DNAH11: variants seen among roughly 807,000 people sequenced by gnomAD.
DNAH11 encodes axonemal beta dynein heavy chain 11.
DNAH11 carries 442 observed loss-of-function variants against 526.0 expected under a neutral mutation model. The ratio of observed to expected loss-of-function variants is 0.84; its 90% CI spans 0.78 to 0.91. DNAH11 has a LOEUF of 0.91. DNAH11 is among the 40% of genes least tolerant of loss of function. The pLI is 0.00. For synonymous variants in DNAH11, 2,461 were observed against 1,935.9 expected (o/e 1.27, Z -7.12); for missense variants, 6,989 against 5,448.7 (o/e 1.28, Z -8.90).
chr7:21,898,005 A>T (rs757122137), intron 79 of DNAH11, among the ~76,000 whole-genome samples: 7 of 151,832 alleles, frequency 4.6e-5, no homozygotes. Flanking sequence ...ACGCTGTTTC[A>T]CTTTTGCTTT....
rs1789911872 is a variant in DNAH11, at chr7:21,818,458, T to A, written c.10691+119T>A. On this transcript the variant is annotated intron_variant, in intron 65 of 81. Coordinates refer to ENST00000409508, the MANE Select transcript of DNAH11 (RefSeq NM_001277115.2). The stretch of plus-strand genomic sequence containing the variant: ...CTTAGTGATATTTCTGAGTTTCCAT[T>A]TCATGCACCTACACTCCAAGACCAA... 6.4e-6 allele frequency: 7 copies of A among 1,091,892 alleles called. No individual in the cohort carries two copies. In the Middle Eastern group the frequency reaches 1.1e-3, roughly 172 times the overall value. 67.6% of individuals were successfully genotyped at this position (1,091,892 alleles called of 1,614,324 possible). A position where few individuals can be genotyped will look rare whatever the true frequency, so the allele number is the denominator to read the frequency against.
intron 2 of DNAH11, among the ~76,000 whole-genome samples, chr7:21,554,532 C>T (rs1783146567): frequency 6.6e-6 from 1 of 152,052 alleles, no homozygotes; most frequent in Non-Finnish European, 1.5e-5. Flanking sequence ...GTTCAGCTGG[C>T]AAGACGTCTT....
Position 21,867,950 on chromosome 7 carries a change from C to A in DNAH11, c.11782C>A (p.Pro3928Thr), listed in dbSNP as rs200216795. The A allele has an allele frequency of 2.4e-5, 38 of 1,568,984 alleles. No homozygotes were observed. The highest frequency in any genetic ancestry group is 3.2e-5 in the Non-Finnish European group (37 of 1,155,922). ...KAFEESSPAT[P>T]IFFILSPGVD... is the part of the protein sequence containing the mutation. Reference sequence around the variant, plus strand: ...ATTCGAAGAAAGCAGCCCAGCCACCCCCATATTCTTCATCCTGTCTCCGGG... The same window carrying A: ...ATTCGAAGAAAGCAGCCCAGCCACCACCATATTCTTCATCCTGTCTCCGGG... Residue 3928 changes from proline (P) to threonine (T), a missense_variant, in exon 72 of 82, where the codon CCC (proline) becomes ACC (threonine). Physicochemically the swap from Pro to Thr is conservative, Grantham distance 38 (BLOSUM62 -1). Transcript: ENST00000409508.
At chr7:21,769,999 A>T (rs1787364187) in intron 55 of DNAH11, among the ~76,000 whole-genome samples, 1 of 152,142 alleles carries the variant, frequency 6.6e-6, no homozygotes, top group Non-Finnish European at 1.5e-5. Context: ...AAAATAATGC[A>T]CTCACCAGAC....
chr7:21,725,186 C>A (rs549867583), intron 44 of DNAH11, among the ~76,000 whole-genome samples: 3 of 152,310 alleles, frequency 2.0e-5, no homozygotes, highest in Admixed American at 6.5e-5. Context: ...ATGCAGTTTT[C>A]AGCTGGACCC....
chr7:21,689,655 C>G (rs1783527370), intron 34 of DNAH11, among the ~76,000 whole-genome samples: 1 of 152,254 alleles, frequency 6.6e-6, no homozygotes. Flanking sequence ...GCCTGACATT[C>G]TGGGAAATGA....
chr7:21,657,970 T>C (rs1782086329), intron 29 of DNAH11, among the ~76,000 whole-genome samples: 1 of 152,186 alleles, frequency 6.6e-6, no homozygotes, highest in African/African-American at 2.4e-5. Flanking sequence ...TCTCATGTGA[T>C]TCTTGGTATT....
At chr7:21,771,635 G>C (rs1331881981) in intron 55 of DNAH11, among the ~76,000 whole-genome samples, 1 of 152,070 alleles carries the variant, frequency 6.6e-6, no homozygotes, top group African/African-American at 2.4e-5. Context: ...ATAACCATTC[G>C]ATACTGGCAC....
intron 2 of DNAH11, among the ~76,000 whole-genome samples, chr7:21,552,649 C>T (rs201780732): frequency 0.062 from 9,499 of 152,166 alleles, 842 homozygotes; most frequent in East Asian, 0.35. Flanking sequence ...TCTCCAGGAC[C>T]TTTTCTAAGA....
chr7:21,591,221 A>G lies in DNAH11; in HGVS notation c.2311A>G (p.Asn771Asp), dbSNP rs1562684461. 1 of 1,572,706 alleles carries G rather than the reference A, an allele frequency of 6.4e-7. No homozygotes were observed. Among genetic ancestry groups the G allele is most frequent in the East Asian group, 2.2e-5 (1 of 44,524 alleles). The change falls in exon 14 of 82, where the codon AAT (asparagine) becomes GAT (aspartate). Residue 771 changes from asparagine (N) to aspartate (D), a missense_variant. Physicochemically the swap from Asn to Asp is conservative, Grantham distance 23. Transcript: ENST00000409508. ...TCTTGACCTTCTTGTGCAAGGGTATAATAAACTCAAACAGACGCTCCTGGA... is the reference window on the plus strand; with the variant it reads ...TCTTGACCTTCTTGTGCAAGGGTATGATAAACTCAAACAGACGCTCCTGGA... Reference protein sequence around the residue: ...GNLDLLVQGYNKLKQTLLEVE... With the variant: ...GNLDLLVQGYDKLKQTLLEVE...
chr7:21,854,121 C>T, intron 67 of DNAH11, among the ~76,000 whole-genome samples, 194 bp from the exon 68 acceptor site: 1 of 152,248 alleles, frequency 6.6e-6, no homozygotes, highest in African/African-American at 2.4e-5. Flanking sequence ...CTCACTGAAA[C>T]TCAGTTTATT....
At chr7:21,847,681 G>C (rs567653958) in intron 66 of DNAH11, among the ~76,000 whole-genome samples, 6 of 152,270 alleles carry the variant, frequency 3.9e-5, no homozygotes, top group Non-Finnish European at 1.5e-5. Flanking sequence ...CATTCGATCC[G>C]GTTGATTGAT....
chr7:21,858,429 G>A lies in DNAH11; in HGVS notation c.11203-3424G>A, dbSNP rs114887103. On this transcript the variant is annotated intron_variant, in intron 68 of 81. Transcript: ENST00000409508. ...GCAAAAAGCTTAACAAATGTTCATAGATGCTTTATTCATAAAAGCCAAAGT... is the reference window on the plus strand; with the variant it reads ...GCAAAAAGCTTAACAAATGTTCATAAATGCTTTATTCATAAAAGCCAAAGT... Among the ~76,000 whole-genome samples, 929 of 152,284 alleles carry A rather than the reference G, an allele frequency of 6.1e-3. 7 individuals carry two copies. Among genetic ancestry groups the A allele is most frequent in the African/African-American group, 0.021 (871 of 41,558 alleles).
intron 54 of DNAH11, among the ~76,000 whole-genome samples, chr7:21,762,243 A>G (rs552721848): frequency 1.3e-5 from 2 of 152,200 alleles, no homozygotes; most frequent in Non-Finnish European, 2.9e-5. Context: ...TTATCACTCA[A>G]GTAACTCAGG....
intron 30 of DNAH11, among the ~76,000 whole-genome samples, chr7:21,665,645 A>G (rs375808075): frequency 2.6e-5 from 4 of 152,110 alleles, no homozygotes; most frequent in Non-Finnish European, 5.9e-5. Context: ...ATCTTTTAAA[A>G]GTTTTCCACT....
intron 2 of DNAH11, among the ~76,000 whole-genome samples, chr7:21,557,778 C>T (rs949463000): frequency 1.3e-5 from 2 of 152,256 alleles, no homozygotes; most frequent in Non-Finnish European, 2.9e-5. Flanking sequence ...AGATATTTCT[C>T]CCGTGTTTTC....
At chr7:21,887,333 A>G (rs1251267693) in intron 76 of DNAH11, among the ~76,000 whole-genome samples, 1 of 152,232 alleles carries the variant, frequency 6.6e-6, no homozygotes, top group Admixed American at 6.5e-5. Context: ...ATCTTCTCAC[A>G]TAAAGCATGT....
chr7:21,865,280 G>T (rs1458909660), intron 70 of DNAH11, among the ~76,000 whole-genome samples: 2 of 152,088 alleles, frequency 1.3e-5, no homozygotes, highest in African/African-American at 4.8e-5. Context: ...ACATTTCTGT[G>T]CATTGGAAAT....
Position 21,767,160 on chromosome 7 carries a change from A to G in DNAH11, c.9102+1571A>G, listed in dbSNP as rs150759947. On this transcript the variant is annotated intron_variant, in intron 55 of 81. Transcript: ENST00000409508. ...ATCATTTTATCTTGTGATAGTTACA[A>G]GAAGGGTTCAAAATGCTGCTTTATT... Among the ~76,000 whole-genome samples, 48 of 152,298 alleles carry G rather than the reference A, an allele frequency of 3.2e-4. No homozygotes were observed. In the East Asian group the frequency reaches 5.8e-3, roughly 18 times the overall value.
Sources: allele counts gnomAD v4.1 joint callset (sites outside exome capture counted in the v4.1 genomes callset), GRCh38; gene constraint gnomAD v4.1.1; transcripts MANE v1.5; gene names NCBI Gene and HGNC (gene_info 2026-07-23, HGNC 2026-07-21).